Variants in ROBO1 observed in about 807,000 individuals in gnomAD.
ROBO1 encodes roundabout guidance receptor 1.
Under a neutral mutation model 195.9 loss-of-function variants are expected in ROBO1, and 149 were observed. The observed-to-expected ratio is 0.76, with a 90% CI of 0.67 to 0.87. The LOEUF is 0.87. Ranked by LOEUF, ROBO1 falls within the 40% of genes least tolerant of loss-of-function variation. The probability of loss-of-function intolerance (pLI) is 0.00; values close to 1 mark genes in which losing one functional copy is unlikely to be tolerated. For missense variants in ROBO1, 1,933 were observed against 2,068.3 expected (o/e 0.93, Z 1.27); for synonymous variants, 816 against 733.2 (o/e 1.11, Z -1.82).
At chr3:79,357,432 AATC>A (rs941697407) in intron 2 of ROBO1, among the ~76,000 whole-genome samples, 1 of 152,196 alleles carries the variant, frequency 6.6e-6, no homozygotes, top group African/African-American at 2.4e-5. Context: ...CTAAAAAGAA[AATC>A]ATTATGTCAA....
intron 2 of ROBO1, among the ~76,000 whole-genome samples, chr3:79,556,052 T>G (rs1054448756): frequency 1.3e-5 from 2 of 152,144 alleles, no homozygotes; most frequent in Non-Finnish European, 2.9e-5. Flanking sequence ...GAGAATGTAT[T>G]ATAAATTTAC....
chr3:79,361,247 T>C (rs2035758315), intron 2 of ROBO1, among the ~76,000 whole-genome samples: 1 of 152,118 alleles, frequency 6.6e-6, no homozygotes, highest in Non-Finnish European at 1.5e-5. Context: ...TTTTTTTCAA[T>C]ATTAGAATTT....
At chr3:79,543,621 T>C (rs952222698) in intron 2 of ROBO1, among the ~76,000 whole-genome samples, 1 of 152,116 alleles carries the variant, frequency 6.6e-6, no homozygotes, top group Non-Finnish European at 1.5e-5. Context: ...TAGTTCAGAA[T>C]AATAAATCTG....
intron 2 of ROBO1, among the ~76,000 whole-genome samples, chr3:79,492,341 C>T (rs1156275630): frequency 6.9e-6 from 1 of 144,840 alleles, no homozygotes; most frequent in Admixed American, 7.0e-5. Context: ...AGGAGAATCG[C>T]TTGAACCCGG....
chr3:78,826,977 A>G (rs1356736718), intron 4 of ROBO1, among the ~76,000 whole-genome samples: 1 of 152,200 alleles, frequency 6.6e-6, no homozygotes, highest in Non-Finnish European at 1.5e-5. Flanking sequence ...TTGCATATAC[A>G]TACTTATACG....
At chr3:78,737,529 T>G (rs1218641472) in intron 5 of ROBO1, among the ~76,000 whole-genome samples, 1 of 152,146 alleles carries the variant, frequency 6.6e-6, no homozygotes, top group Admixed American at 6.5e-5. Context: ...CTAGGTATGA[T>G]TAGACAATTC....
intron 4 of ROBO1, among the ~76,000 whole-genome samples, chr3:78,927,474 TG>T (rs757189889): frequency 2.6e-5 from 4 of 152,222 alleles, no homozygotes; most frequent in African/African-American, 4.8e-5. Context: ...CATATAATTG[TG>T]GAAGTCACAC....
chr3:78,808,652 A>G (rs11127635), intron 4 of ROBO1, among the ~76,000 whole-genome samples: 37,062 of 152,100 alleles, frequency 0.24, 4,729 homozygotes, highest in East Asian at 0.49. Flanking sequence ...CTTAAATTAT[A>G]CTGTTAAAAG....
chr3:78,740,833 C>G (rs1325075662), intron 5 of ROBO1, among the ~76,000 whole-genome samples: 1 of 151,994 alleles, frequency 6.6e-6, no homozygotes, highest in African/African-American at 2.4e-5. Context: ...AAATACAAGG[C>G]CTTAAATCCT....
chr3:79,237,142 A>C (rs1219260128), intron 2 of ROBO1, among the ~76,000 whole-genome samples: 1 of 152,200 alleles, frequency 6.6e-6, no homozygotes, highest in Non-Finnish European at 1.5e-5. Flanking sequence ...GATTTTTGTA[A>C]AACTCAATGC....
chr3:78,818,383 C>T (rs1236852410), intron 4 of ROBO1, among the ~76,000 whole-genome samples: 1 of 152,172 alleles, frequency 6.6e-6, no homozygotes, highest in Admixed American at 6.5e-5. Context: ...TATTCATCCC[C>T]TGTGCCTCTG....
chr3:78,860,883 A>T, intron 4 of ROBO1, among the ~76,000 whole-genome samples: 1 of 152,164 alleles, frequency 6.6e-6, no homozygotes, highest in African/African-American at 2.4e-5. Context: ...TTTCTCAGGT[A>T]TCCCAGATGG....
At chr3:79,737,965 C>A (rs1419762328) in intron 1 of ROBO1, among the ~76,000 whole-genome samples, 1 of 152,094 alleles carries the variant, frequency 6.6e-6, no homozygotes, top group African/African-American at 2.4e-5. Context: ...CGCTGGAAAC[C>A]AGCCTGTTAG....
At chr3:79,567,819 TTGTGAGAACTTATTATAAG>T (rs1223101305) in intron 2 of ROBO1, among the ~76,000 whole-genome samples, 2 of 152,148 alleles carry the variant, frequency 1.3e-5, no homozygotes, top group Non-Finnish European at 2.9e-5. Context: ...TATTATAAAT[TTGTGAGAACTTATTATAAG>T]TTCTCACAAG....
chr3:79,250,430 C>G (rs757431333), intron 2 of ROBO1, among the ~76,000 whole-genome samples: 1 of 152,084 alleles, frequency 6.6e-6, no homozygotes, highest in Non-Finnish European at 1.5e-5. Context: ...CTGGTTGAAA[C>G]ACCAAAAGGA....
At chr3:78,676,941 C>G (rs899374399) in intron 10 of ROBO1, among the ~76,000 whole-genome samples, 2 of 152,146 alleles carry the variant, frequency 1.3e-5, no homozygotes, top group Non-Finnish European at 2.9e-5. Flanking sequence ...TCAGGTTACC[C>G]ACAAAGGGAA....
chr3:78,624,000 A>G (rs906529424), intron 26 of ROBO1, among the ~76,000 whole-genome samples: 1 of 152,178 alleles, frequency 6.6e-6, no homozygotes, highest in Non-Finnish European at 1.5e-5. Context: ...AAATCACAAC[A>G]TTGTATATAG....
At chr3:78,931,862 G>C (rs991762028) in intron 4 of ROBO1, among the ~76,000 whole-genome samples, 1 of 151,894 alleles carries the variant, frequency 6.6e-6, no homozygotes, top group African/African-American at 2.4e-5. Flanking sequence ...TTTAGTCCCA[G>C]CTACTCAGAA....
At chr3:79,209,414 A>G (rs1230240960) in intron 2 of ROBO1, among the ~76,000 whole-genome samples, 1 of 152,164 alleles carries the variant, frequency 6.6e-6, no homozygotes, top group Non-Finnish European at 1.5e-5. Flanking sequence ...GGTTGGTTCC[A>G]TATTTTTGCA....
Sources: gnomAD v4.1 joint callset for allele counts (sites outside exome capture counted in the v4.1 genomes callset) on GRCh38, gnomAD v4.1.1 for gene constraint, MANE v1.5 for transcripts, NCBI Gene and HGNC (gene_info 2026-07-23, HGNC 2026-07-21) for gene names.